The following NCR1 variants were observed in gnomAD, a reference collection of about 807,000 sequenced individuals.
The protein encoded by NCR1 is natural cytotoxicity triggering receptor 1.
In NCR1, 30 loss-of-function variants were observed where a neutral mutation model predicts 32.5. The ratio of observed to expected loss-of-function variants is 0.92; its 90% confidence interval spans 0.69 to 1.25. The LOEUF (loss-of-function observed/expected upper bound fraction) is 1.25, where lower values mean the gene tolerates loss of function less well. Ranked by LOEUF, NCR1 falls within the 50% of genes most tolerant of loss-of-function variation. The pLI is 0.00. For missense variants in NCR1, 369 were observed against 380.7 expected, an observed-to-expected ratio of 0.97 and a Z score of 0.26; for synonymous variants, 169 against 143.4, an observed-to-expected ratio of 1.18 and a Z score of -1.28.
chr19:54,909,149 G>T, intron 3 of NCR1, 96 bp from the exon 4 acceptor site: 1 of 1,238,182 alleles, frequency 8.1e-7, no homozygotes, highest in East Asian at 2.4e-5. Flanking sequence ...CAGCCTGGGC[G>T]ACAGAGAGAG....
upstream of NCR1, among the ~76,000 whole-genome samples, chr19:54,905,900 C>T (rs2067573948): frequency 1.3e-5 from 2 of 152,172 alleles, no homozygotes; most frequent in East Asian, 1.9e-4. Context: ...CTGGGTACGA[C>T]CTCCACATTG....
At chr19:54,929,670 G>A in the NCR1 span, among the ~76,000 whole-genome samples, 1 of 152,146 alleles carries the variant, frequency 6.6e-6, no homozygotes, top group Non-Finnish European at 1.5e-5. Context: ...GCATGCTGCT[G>A]AAGTCCAGGT....
intron 5 of NCR1, among the ~76,000 whole-genome samples, chr19:54,910,565 C>A (rs968700870): frequency 6.6e-6 from 1 of 150,990 alleles, no homozygotes; most frequent in Non-Finnish European, 1.5e-5. Context: ...CAGCGAGACT[C>A]CATCTCACAG....
rs2067598912 is a variant in NCR1 at position 54,906,212 on chromosome 19, C to T, written c.25C>T (p.Leu9Phe). Residue 9 changes from leucine to phenylalanine, a missense_variant, in exon 1 of 7, where the codon CTC becomes TTC. By Grantham distance (22) the Leu-to-Phe change is conservative. Transcript: ENST00000291890. Reference sequence around the variant, plus strand: ...GATGTCTTCCACACTCCCTGCCCTGCTCTGCGTCGGTGAGTTCTGGCGTGG... The same window carrying T: ...GATGTCTTCCACACTCCCTGCCCTGTTCTGCGTCGGTGAGTTCTGGCGTGG... MSSTLPALLCVGLCLSQRI... is the reference protein window; with the variant it reads MSSTLPALFCVGLCLSQRI... The T allele has an allele frequency of 6.2e-7, 1 of 1,614,202 alleles. No individual in the cohort carries two copies.
At position 54,906,733 on chromosome 19, in the gene NCR1, G is replaced by A. The variant is rs1386806761; in HGVS notation, c.281G>A (p.Gly94Glu). 1 of 1,614,198 alleles carries A rather than the reference G, an allele frequency of 6.2e-7. No individual in the cohort carries two copies. The highest frequency in any genetic ancestry group is 1.7e-5 in the Admixed American group (1 of 60,024). Residue 94 changes from glycine to glutamate, a missense_variant, in exon 3 of 7, where the codon GGG (glycine) becomes GAG (glutamate). Gly to Glu is a moderately conservative substitution (Grantham distance 98). Coordinates refer to ENST00000291890, the MANE Select transcript of NCR1 (RefSeq NM_004829.7). ...CCGGACATGAACTCCCGCATGGCAG[G>A]GCAATACAGCTGCATCTATCGGGTT... ...YIPDMNSRMA[G>E]QYSCIYRVGE...
chr19:54,912,325 A>G (rs2068014753), intron 6 of NCR1, 107 bp downstream of exon 6: 2 of 1,101,336 alleles, frequency 1.8e-6, no homozygotes, highest in Non-Finnish European at 2.8e-6. Flanking sequence ...GGCCAGGCGC[A>G]GTAGCTCACA....
the NCR1 span, among the ~76,000 whole-genome samples, chr19:54,928,521 G>GT: frequency 2.2e-4 from 34 of 152,284 alleles, no homozygotes; most frequent in South Asian, 6.6e-3. Context: ...ATCTCGATAT[G>GT]TTCTATTGAA....
chr19:54,935,228 G>GA, the NCR1 span, among the ~76,000 whole-genome samples: 6 of 19,576 alleles, frequency 3.1e-4, no homozygotes, highest in Non-Finnish European at 2.0e-3. Flanking sequence ...TTGCAGGGGG[G>GA]AAAAAAAAAT....
intron 6 of NCR1, 50 bp from the exon 7 acceptor site, chr19:54,912,640 A>AATG: frequency 1.9e-6 from 1 of 522,358 alleles, no homozygotes; most frequent in Non-Finnish European, 3.3e-6. Context: ...AAAAAAAAAG[A>AATG]GGGTGTCCTT....
chr19:54,912,478 A>G (rs1180525482), intron 6 of NCR1, among the ~76,000 whole-genome samples: 1 of 151,798 alleles, frequency 6.6e-6, no homozygotes, highest in Admixed American at 6.6e-5. Flanking sequence ...GTGTGCCTGT[A>G]GTCCCAGCTA....
chr19:54,920,084 C>T (rs2068218704), downstream of NCR1, among the ~76,000 whole-genome samples: 1 of 152,080 alleles, frequency 6.6e-6, no homozygotes, highest in Admixed American at 6.6e-5. Flanking sequence ...TATAACAATT[C>T]TTGTTTTATA....
chr19:54,926,072 T>A, the NCR1 span, among the ~76,000 whole-genome samples: 6 of 147,896 alleles, frequency 4.1e-5, no homozygotes, highest in African/African-American at 9.9e-5. Context: ...CAAAAAAAAA[T>A]AAAAAATACA....
At chr19:54,899,549 G>A in the NCR1 span, among the ~76,000 whole-genome samples, 76 of 152,122 alleles carry the variant, frequency 5.0e-4, no homozygotes, top group East Asian at 2.1e-3. Context: ...ATAAGGGATC[G>A]GGGTGCAGAG....
In NCR1 at chr19:54,912,846, G is replaced by C; in HGVS notation, c.890G>C (p.Arg297Thr). Reference sequence around the variant, plus strand: ...AGAGCTTCCACTTGGGAAGGCAGGAGAAGGCTGAACACACAGACTCTTTGA... The same window carrying C: ...AGAGCTTCCACTTGGGAAGGCAGGACAAGGCTGAACACACAGACTCTTTGA... ...ASRASTWEGR[R>T]RLNTQTL Residue 297 changes from arginine (R) to threonine (T), a missense_variant, in exon 7 of 7, where the codon AGA becomes ACA. Physicochemically the swap from Arg to Thr is moderately conservative, Grantham distance 71 (BLOSUM62 -1). Transcript: ENST00000291890. 6.2e-7 allele frequency: 1 copy of C among 1,613,824 alleles called. No homozygotes were observed. The highest frequency in any genetic ancestry group is 8.5e-7 in the Non-Finnish European group (1 of 1,179,976).
At chr19:54,919,184 G>A (rs888239516), downstream of NCR1, among the ~76,000 whole-genome samples, 5 of 151,970 alleles carry the variant, frequency 3.3e-5, no homozygotes, top group Non-Finnish European at 4.4e-5. Context: ...CCCTGTGTGC[G>A]GCGACGAGAG....
chr19:54,927,688 C>A, the NCR1 span: 1 of 1,614,132 alleles, frequency 6.2e-7, no homozygotes, highest in East Asian at 2.2e-5. Context: ...GATTCTGGCC[C>A]AGGTCCAGAG....
downstream of NCR1, among the ~76,000 whole-genome samples, chr19:54,915,213 C>T (rs560364109): frequency 6.0e-4 from 91 of 152,130 alleles, no homozygotes; most frequent in African/African-American, 2.0e-3. Context: ...ACGGGGTTCT[C>T]GGGAAATATA....
intron 6 of NCR1, 42 bp downstream of exon 6, chr19:54,912,260 T>C (rs1365885520): frequency 6.9e-6 from 11 of 1,587,322 alleles, no homozygotes; most frequent in Non-Finnish European, 8.7e-6. Flanking sequence ...AGGAAGGGGC[T>C]GGGCATAGAG....
chr19:54,930,654 G>T, the NCR1 span: 3 of 1,613,272 alleles, frequency 1.9e-6, no homozygotes, highest in Non-Finnish European at 2.5e-6. Context: ...TGGTTATGCT[G>T]CATTGCTGTA....
Sources: allele counts gnomAD v4.1 joint callset (sites outside exome capture counted in the v4.1 genomes callset), GRCh38; gene constraint gnomAD v4.1.1; transcripts MANE v1.5; gene names NCBI Gene and HGNC (gene_info 2026-07-23, HGNC 2026-07-21).